Variants in GRM8 observed in about 807,000 individuals in gnomAD.
The protein encoded by GRM8 is metabotropic glutamate receptor 8.
A neutral mutation model predicts 87.2 loss-of-function variants in GRM8; 47 were observed. That is an observed-to-expected ratio of 0.54 (90% CI 0.43 to 0.69). The LOEUF (loss-of-function observed/expected upper bound fraction) is 0.69. Among genes scored for constraint, GRM8 ranks in the 30% least tolerant of loss-of-function variants. The probability of loss-of-function intolerance (pLI) is 0.00; values close to 1 mark genes in which losing one functional copy is unlikely to be tolerated. For synonymous variants in GRM8, 396 were observed against 404.5 expected (o/e 0.98, Z 0.25); for missense variants, 1,019 against 1,139.2 (o/e 0.89, Z 1.52).
rs71177572 is a variant in GRM8 at position 126,869,933 on chromosome 7, T to TAAAAA, written c.1156+32604_1156+32608dup. ...CAGGTATTGACTTTTCCTCATAGAT[T>TAAAAA]AAAAAAAAAAAAAAAAAAAAAAAAA... On this transcript the variant is annotated intron_variant, in intron 6 of 10. Coordinates refer to ENST00000339582, the MANE Select transcript of GRM8 (RefSeq NM_000845.3). The TAAAAA allele has an allele frequency of 6.9e-4, 53 of 77,256 alleles. 4 individuals are homozygous for TAAAAA. Among genetic ancestry groups the TAAAAA allele is most frequent in the African/African-American group, 2.4e-3 (49 of 20,430 alleles). 4.8% of individuals were successfully genotyped at this position (77,256 alleles called of 1,614,324 possible).
Position 126,668,307 on chromosome 7 carries a change from A to C in GRM8, c.1358-58809T>G, listed in dbSNP as rs1371877407. Reference sequence around the variant, plus strand: ...AAGGACCCCATCGCTAGCTGAACTAAGGAAAAGTCCTGAAACATTTTTGGC... The same window carrying C: ...AAGGACCCCATCGCTAGCTGAACTACGGAAAAGTCCTGAAACATTTTTGGC... On this transcript the variant is annotated intron_variant, in intron 7 of 10. Transcript: ENST00000339582. Among the ~76,000 whole-genome samples the C allele has an allele frequency of 2.0e-5, 3 of 152,170 alleles. No individual in the cohort carries two copies. In the East Asian group the frequency reaches 5.8e-4, roughly 29 times the overall value.
chr7:127,160,291 C>CTTGCAGGG (rs1464279447), intron 2 of GRM8, among the ~76,000 whole-genome samples: 1 of 152,138 alleles, frequency 6.6e-6, no homozygotes, highest in African/African-American at 2.4e-5. Flanking sequence ...GCCAACGGGA[C>CTTGCAGGG]TTGCAGGGTT....
At chr7:127,069,521 T>G (rs920070302) in intron 3 of GRM8, among the ~76,000 whole-genome samples, 6 of 152,102 alleles carry the variant, frequency 3.9e-5, no homozygotes. Context: ...GGTAGGAAAT[T>G]CTTTTGTAAA....
chr7:126,895,759 G>T (rs1801485392), intron 6 of GRM8, among the ~76,000 whole-genome samples: 1 of 151,966 alleles, frequency 6.6e-6, no homozygotes, highest in African/African-American at 2.4e-5. Context: ...GGATGTAAAG[G>T]TTTACGCTGT....
intron 9 of GRM8, among the ~76,000 whole-genome samples, chr7:126,489,157 T>C (rs1401412732): frequency 6.6e-6 from 1 of 152,022 alleles, no homozygotes. Context: ...ACAAAACATA[T>C]TTGAGTCCCA....
chr7:126,819,777 A>C (rs1439586268), intron 6 of GRM8, among the ~76,000 whole-genome samples: 1 of 152,122 alleles, frequency 6.6e-6, no homozygotes, highest in African/African-American at 2.4e-5. Context: ...AGTAGGAAAT[A>C]AAAAGTCACA....
intron 2 of GRM8, among the ~76,000 whole-genome samples, chr7:127,231,028 T>C (rs1178768510): frequency 2.0e-5 from 3 of 152,214 alleles, no homozygotes; most frequent in Non-Finnish European, 4.4e-5. Flanking sequence ...TCATTTCCCC[T>C]CAACTACAGT....
chr7:126,858,551 T>C (rs934131257), intron 6 of GRM8, among the ~76,000 whole-genome samples: 1 of 152,132 alleles, frequency 6.6e-6, no homozygotes. Flanking sequence ...GGCTAAAAGA[T>C]AAAAACTCAC....
intron 8 of GRM8, among the ~76,000 whole-genome samples, chr7:126,596,778 A>G (rs1173691717): frequency 6.6e-6 from 1 of 152,170 alleles, no homozygotes; most frequent in Non-Finnish European, 1.5e-5. Context: ...GGAGATCTGA[A>G]TAAGATTGAT....
chr7:126,981,264 T>A (rs556633563), intron 3 of GRM8: 1 of 152,298 alleles, frequency 6.6e-6, no homozygotes, highest in Non-Finnish European at 1.5e-5. Flanking sequence ...AGCCTCACCA[T>A]TGATTATGCC....
intron 3 of GRM8, among the ~76,000 whole-genome samples, chr7:127,003,550 G>A (rs1813951924): frequency 6.6e-6 from 1 of 151,690 alleles, no homozygotes. Flanking sequence ...TGCAATTTGT[G>A]TACTAGAAGA....
chr7:126,602,331 T>C (rs1585186256), intron 8 of GRM8, among the ~76,000 whole-genome samples: 1 of 143,716 alleles, frequency 7.0e-6, no homozygotes. Context: ...TTTTGGTTAC[T>C]GTAGCCTTGT....
chr7:126,939,965 A>T (rs1305190417), intron 3 of GRM8, among the ~76,000 whole-genome samples: 1 of 152,236 alleles, frequency 6.6e-6, no homozygotes, highest in Non-Finnish European at 1.5e-5. Context: ...CTAAAAGTAT[A>T]TCTGCAAAGA....
intron 3 of GRM8, among the ~76,000 whole-genome samples, chr7:127,037,720 G>C (rs1586819617): frequency 6.6e-6 from 1 of 152,264 alleles, no homozygotes; most frequent in East Asian, 1.9e-4. Context: ...GAAGCCTGCA[G>C]AACCACAAAC....
At position 126,727,149 on chromosome 7, in the gene GRM8, C is replaced by T. The variant is rs181691172; in HGVS notation, c.1357+42716G>A. 7.3e-5 allele frequency among the ~76,000 whole-genome samples: 11 copies of T among 151,520 alleles called. No individual in the cohort carries two copies. The East Asian group carries it at 2.1e-3, about 29-fold the overall frequency. On this transcript the variant is annotated intron_variant, in intron 7 of 10. Coordinates refer to ENST00000339582, the MANE Select transcript of GRM8 (RefSeq NM_000845.3). ...ACCAAATATTTAAGTAGGTAAATGA[C>T]ATAAATATAGAATATTTACATACAA... is the stretch of plus-strand genomic sequence containing the variant.
intron 2 of GRM8, among the ~76,000 whole-genome samples, chr7:127,197,077 T>G (rs989211135): frequency 1.3e-5 from 2 of 152,194 alleles, no homozygotes; most frequent in Admixed American, 1.3e-4. Flanking sequence ...CTATATATTT[T>G]TATTGTAATT....
At chr7:126,660,093 T>C (rs1804982313) in intron 7 of GRM8, among the ~76,000 whole-genome samples, 1 of 152,200 alleles carries the variant, frequency 6.6e-6, no homozygotes, top group Non-Finnish European at 1.5e-5. Context: ...TGGTGACAAG[T>C]TTTGAAAGAT....
chr7:126,754,511 G>A (rs1332840706), intron 7 of GRM8, among the ~76,000 whole-genome samples: 3 of 151,812 alleles, frequency 2.0e-5, no homozygotes, highest in Admixed American at 1.3e-4. Flanking sequence ...AATGTCATTT[G>A]GTTTATCCCA....
chr7:127,152,192 G>C (rs2133319844), intron 2 of GRM8, among the ~76,000 whole-genome samples: 1 of 152,176 alleles, frequency 6.6e-6, no homozygotes, highest in Middle Eastern at 3.4e-3. Flanking sequence ...TCCCATGTGA[G>C]TTTTATCACT....
Sources: allele counts gnomAD v4.1 joint callset (sites outside exome capture counted in the v4.1 genomes callset), GRCh38; gene constraint gnomAD v4.1.1; transcripts MANE v1.5; gene names NCBI Gene and HGNC (gene_info 2026-07-23, HGNC 2026-07-21).